LPIN2: variants seen among roughly 807,000 people sequenced by gnomAD.
LPIN2 encodes the protein phosphatidate phosphatase LPIN2.
In LPIN2, 55 loss-of-function variants were observed where a neutral mutation model predicts 111.4. The observed-to-expected ratio is 0.49, with a 90% CI of 0.40 to 0.62. The LOEUF (loss-of-function observed/expected upper bound fraction) is 0.62, where lower values mean the gene tolerates loss of function less well. Ranked by LOEUF, LPIN2 falls within the 20% of genes least tolerant of loss-of-function variation. LPIN2 has a pLI of 0.00. For missense variants in LPIN2, 992 were observed against 1,112.1 expected (o/e 0.89, Z 1.54); for synonymous variants, 425 against 414.0 (o/e 1.03, Z -0.32).
intron 9 of LPIN2, among the ~76,000 whole-genome samples, chr18:2,930,505 CA>C (rs1188083499): frequency 9.2e-5 from 14 of 152,208 alleles, no homozygotes; most frequent in African/African-American, 3.4e-4. Flanking sequence ...TGCAGTCTGC[CA>C]CATCACACCT....
intron 16 of LPIN2, among the ~76,000 whole-genome samples, chr18:2,923,192 G>C (rs560633774): frequency 7.2e-5 from 11 of 152,048 alleles, no homozygotes; most frequent in African/African-American, 2.4e-4. Flanking sequence ...AGGCCGAGGC[G>C]GGGAGATCAC....
chr18:2,950,726 C>T (rs2077522471), intron 4 of LPIN2: 3 of 365,934 alleles, frequency 8.2e-6, no homozygotes, highest in Admixed American at 8.2e-5. Flanking sequence ...AGGGAAATCC[C>T]AGAGATGACA....
In LPIN2 at chr18:2,978,695, C is replaced by T. The variant is rs190274253; in HGVS notation, c.-9-17846G>A. Among the ~76,000 whole-genome samples the T allele has an allele frequency of 6.0e-3, 907 of 152,324 alleles. 8 individuals are homozygous for T. The highest frequency in any genetic ancestry group is 7.7e-3 in the Admixed American group (118 of 15,300). ...AACAAAACAAAACAGTTATTCTTGG[C>T]CTCCACTACTGCCTTCAATTCTGCT... is the stretch of plus-strand genomic sequence containing the variant. On this transcript the variant is annotated intron_variant, in intron 1 of 19. Transcript: ENST00000677752.
chr18:2,944,333 C>CTTTT (rs768515839), intron 4 of LPIN2, among the ~76,000 whole-genome samples: 2 of 51,350 alleles, frequency 3.9e-5, no homozygotes, highest in African/African-American at 6.6e-5. Context: ...TTTCCACAAA[C>CTTTT]TTTTTTTTTT....
At chr18:2,999,847 G>A (rs2078404492) in intron 1 of LPIN2, among the ~76,000 whole-genome samples, 1 of 152,026 alleles carries the variant, frequency 6.6e-6, no homozygotes, top group South Asian at 2.1e-4. Context: ...AGAAGGGTTG[G>A]AGAATAAATA....
At chr18:2,952,054 C>CA (rs1291827941) in intron 3 of LPIN2, among the ~76,000 whole-genome samples, 4 of 152,164 alleles carry the variant, frequency 2.6e-5, no homozygotes, top group Non-Finnish European at 4.4e-5. Flanking sequence ...GTCTGGTGTT[C>CA]AGTAAATTCA....
chr18:2,985,069 T>C (rs2078168793), intron 1 of LPIN2: 1 of 152,310 alleles, frequency 6.6e-6, no homozygotes, highest in Non-Finnish European at 1.5e-5. Context: ...GTTTCCTTGT[T>C]TTAGCTGATG....
chr18:2,967,970 C>T (rs758297308), intron 1 of LPIN2, among the ~76,000 whole-genome samples: 4 of 152,186 alleles, frequency 2.6e-5, no homozygotes, highest in Non-Finnish European at 5.9e-5. Context: ...AAAGCCCATG[C>T]GGTCTTCCTG....
Position 2,918,595 on chromosome 18 carries a change from GGAAGCTTTGCATGGGA to G in LPIN2, c.*1682_*1697del, listed in dbSNP as rs1180088203. On this transcript the variant is annotated 3_prime_UTR_variant, in exon 20 of 20. Coordinates refer to ENST00000677752, the MANE Select transcript of LPIN2 (RefSeq NM_001375808.2). ...GTCCTTATCAACTATTTAAGCTGGG[GGAAGCTTTGCATGGGA>G]GAAGGCTCATGTGGTCCCTTCTCTG... 4 of 152,156 alleles carry G rather than the reference GGAAGCTTTGCATGGGA, an allele frequency of 2.6e-5. No individual in the cohort carries two copies. The highest frequency in any genetic ancestry group is 7.2e-5 in the African/African-American group (3 of 41,422). 9.4% of individuals were successfully genotyped at this position (152,156 alleles called of 1,614,324 possible).
At chr18:2,944,095 A>AT (rs953845229) in intron 4 of LPIN2, among the ~76,000 whole-genome samples, 5 of 151,682 alleles carry the variant, frequency 3.3e-5, no homozygotes, top group Non-Finnish European at 7.4e-5. Flanking sequence ...ATATTTCCTA[A>AT]TTTTTCTTCT....
chr18:2,967,080 T>G (rs2077816544), intron 1 of LPIN2: 1 of 152,176 alleles, frequency 6.6e-6, no homozygotes, highest in Admixed American at 6.5e-5. Context: ...TTTCAAGAAC[T>G]TCCTCAAACA....
At position 2,951,105 on chromosome 18, in the gene LPIN2, T is replaced by C. The variant is rs151135579; in HGVS notation, c.540A>G (p.Thr180=). Reference sequence around the variant, plus strand: ...CATCGGAGCTCACGCCTACATCACATGTGTCTTCTGCAGCAGCAGATGCGG... The same window carrying C: ...CATCGGAGCTCACGCCTACATCACACGTGTCTTCTGCAGCAGCAGATGCGG... ...EQAASAAAED[T]CDVGVSSDDD... Residue 180 remains threonine, a synonymous_variant, in exon 4 of 20, where the codon ACA becomes ACG. Transcript: ENST00000677752. The C allele has an allele frequency of 3.7e-6, 6 of 1,614,112 alleles. No individual in the cohort carries two copies. Among genetic ancestry groups the C allele is most frequent in the Non-Finnish European group, 5.1e-6 (6 of 1,180,046 alleles).
chr18:2,932,380 T>C (rs2077222686), intron 8 of LPIN2, among the ~76,000 whole-genome samples: 1 of 152,248 alleles, frequency 6.6e-6, no homozygotes, highest in African/African-American at 2.4e-5. Context: ...GAGCAGTAGG[T>C]GGCAGCAGAC....
At chr18:2,987,807 G>C (rs1203560431) in intron 1 of LPIN2, among the ~76,000 whole-genome samples, 1 of 152,044 alleles carries the variant, frequency 6.6e-6, no homozygotes, top group Non-Finnish European at 1.5e-5. Flanking sequence ...TTAGAATCCA[G>C]GAGGGTGGAT....
chr18:2,999,653 C>T (rs1025643616), intron 1 of LPIN2, among the ~76,000 whole-genome samples: 1 of 150,984 alleles, frequency 6.6e-6, no homozygotes, highest in South Asian at 2.1e-4. Context: ...CAGACATGCA[C>T]ACAGAAGAAC....
chr18:3,006,614 G>A (rs1424632477), intron 1 of LPIN2, among the ~76,000 whole-genome samples: 1 of 152,184 alleles, frequency 6.6e-6, no homozygotes, highest in Non-Finnish European at 1.5e-5. Flanking sequence ...GAGGCAGGGA[G>A]GTCACAAGAT....
chr18:2,989,030 T>C (rs542584994), intron 1 of LPIN2, among the ~76,000 whole-genome samples: 1 of 152,210 alleles, frequency 6.6e-6, no homozygotes, highest in Non-Finnish European at 1.5e-5. Flanking sequence ...CAAGCACTAT[T>C]TATTTAGTAT....
intron 3 of LPIN2, among the ~76,000 whole-genome samples, chr18:2,952,422 T>C (rs1012701001): frequency 6.6e-6 from 1 of 152,198 alleles, no homozygotes; most frequent in African/African-American, 2.4e-5. Context: ...AGACTCCATC[T>C]CAAAACAAAC....
intron 1 of LPIN2, among the ~76,000 whole-genome samples, chr18:2,987,535 T>C (rs1423860589): frequency 6.6e-6 from 1 of 152,160 alleles, no homozygotes; most frequent in African/African-American, 2.4e-5. Context: ...ACATTTCAGG[T>C]CCATCTTTGA....
Sources: gnomAD v4.1 joint callset for allele counts (sites outside exome capture counted in the v4.1 genomes callset) on GRCh38, gnomAD v4.1.1 for gene constraint, MANE v1.5 for transcripts, NCBI Gene and HGNC (gene_info 2026-07-23, HGNC 2026-07-21) for gene names.